Variants in DIRAS2 observed in about 807,000 individuals in gnomAD.
DIRAS2 encodes the protein DIRAS family GTPase 2.
Under a neutral mutation model 13.9 loss-of-function variants are expected in DIRAS2, and 5 were observed. That is an observed-to-expected ratio of 0.36 (90% CI 0.19 to 0.76). DIRAS2 has a LOEUF of 0.76. Ranked by LOEUF, DIRAS2 falls within the 30% of genes least tolerant of loss-of-function variation. DIRAS2 has a pLI of 0.53. For synonymous variants in DIRAS2, 111 were observed against 105.4 expected, an observed-to-expected ratio of 1.05 and a Z score of -0.33; for missense variants, 191 against 263.0, an observed-to-expected ratio of 0.73 and a Z score of 1.89.
rs1587716515 is a variant in DIRAS2, at chr9:90,610,007, C to T, written c.*3221G>A. 6.3e-6 allele frequency: 1 copy of T among 159,688 alleles called. No individual in the cohort carries two copies. Among genetic ancestry groups the T allele is most frequent in the South Asian group, 2.0e-4 (1 of 4,900 alleles). 9.9% of individuals were successfully genotyped at this position (159,688 alleles called of 1,614,324 possible). A position where few individuals can be genotyped will look rare whatever the true frequency, so the allele number is the denominator to read the frequency against. On this transcript the variant is annotated 3_prime_UTR_variant, in exon 2 of 2. Transcript: ENST00000375765. ...TAAATATAAATATACACATTGATAT[C>T]CCACACATATAAAAGTCATGCTCTG...
intron 1 of DIRAS2, among the ~76,000 whole-genome samples, chr9:90,626,927 GTCCC>G (rs1325629066): frequency 6.6e-6 from 1 of 152,180 alleles, no homozygotes; most frequent in Non-Finnish European, 1.5e-5. Context: ...TTGGATATTT[GTCCC>G]TGCCCACATT....
rs1187867077 is a variant in DIRAS2, at chr9:90,611,710, G to C, written c.*1518C>G. ...CATGCAGCCCCCACCCCCCCAGGCA[G>C]GCCCACGTGGGACTGCAGCTCCTTC... On this transcript the variant is annotated 3_prime_UTR_variant, in exon 2 of 2. Transcript: ENST00000375765. The C allele has an allele frequency of 6.6e-6, 1 of 152,328 alleles. No individual in the cohort carries two copies. Among genetic ancestry groups the C allele is most frequent in the Non-Finnish European group, 1.5e-5 (1 of 68,130 alleles). The allele number at this position is 152,328 out of a possible 1,614,324, so 9.4% of individuals were successfully genotyped here.
chr9:90,637,798 C>T (rs1347962680), intron 1 of DIRAS2, among the ~76,000 whole-genome samples: 1 of 152,170 alleles, frequency 6.6e-6, no homozygotes, highest in East Asian at 1.9e-4. Context: ...TCAGCACTGT[C>T]CCCTTCACTG....
intron 1 of DIRAS2, among the ~76,000 whole-genome samples, chr9:90,639,515 C>A (rs1825399737): frequency 6.6e-6 from 1 of 152,126 alleles, no homozygotes. Flanking sequence ...TTGAATGACC[C>A]ATAATGGGAC....
intron 1 of DIRAS2, among the ~76,000 whole-genome samples, chr9:90,622,042 A>T (rs1825223683): frequency 6.6e-6 from 1 of 152,192 alleles, no homozygotes; most frequent in Non-Finnish European, 1.5e-5. Context: ...GCTTGAGGTC[A>T]GGAGTTCGAG....
At chr9:90,621,917 A>C (rs1159672454) in intron 1 of DIRAS2, among the ~76,000 whole-genome samples, 1 of 152,216 alleles carries the variant, frequency 6.6e-6, no homozygotes, top group African/African-American at 2.4e-5. Flanking sequence ...AGTTTGTTCA[A>C]AATATATATG....
At chr9:90,637,846 T>C (rs991825519) in intron 1 of DIRAS2, among the ~76,000 whole-genome samples, 2 of 152,198 alleles carry the variant, frequency 1.3e-5, no homozygotes, top group African/African-American at 4.8e-5. Flanking sequence ...TTGAGTCAGA[T>C]CAGCTGAATC....
At chr9:90,618,380 C>T (rs556252312) in intron 1 of DIRAS2, among the ~76,000 whole-genome samples, 2 of 152,254 alleles carry the variant, frequency 1.3e-5, no homozygotes, top group Admixed American at 1.3e-4. Flanking sequence ...ATAAGGGGAG[C>T]ACCTCTCCCT....
chr9:90,632,992 A>G (rs1285641228), intron 1 of DIRAS2, among the ~76,000 whole-genome samples: 3 of 152,204 alleles, frequency 2.0e-5, no homozygotes, highest in Non-Finnish European at 4.4e-5. Flanking sequence ...GTGAAGCCAG[A>G]CCAAGACCAC....
chr9:90,634,877 A>T (rs1296489458), intron 1 of DIRAS2, among the ~76,000 whole-genome samples: 1 of 152,222 alleles, frequency 6.6e-6, no homozygotes, highest in African/African-American at 2.4e-5. Flanking sequence ...AATAAACCTG[A>T]GACACTGAGA....
chr9:90,623,327 C>T (rs181274368), intron 1 of DIRAS2, among the ~76,000 whole-genome samples: 123 of 152,198 alleles, frequency 8.1e-4, no homozygotes, highest in African/African-American at 2.8e-3. Flanking sequence ...ACAGGCCATC[C>T]CCTGAATGGG....
chr9:90,636,722 C>A (rs1825374699), intron 1 of DIRAS2, among the ~76,000 whole-genome samples: 2 of 152,070 alleles, frequency 1.3e-5, no homozygotes, highest in Admixed American at 6.5e-5. Context: ...GGTACATAGT[C>A]AAAGAGAGAC....
intron 1 of DIRAS2, among the ~76,000 whole-genome samples, chr9:90,628,441 A>T (rs1276372109): frequency 1.3e-5 from 2 of 152,100 alleles, no homozygotes; most frequent in African/African-American, 4.8e-5. Flanking sequence ...GACTGGGGAG[A>T]CTAGGTGGCC....
At chr9:90,625,294 A>G (rs917807584) in intron 1 of DIRAS2, among the ~76,000 whole-genome samples, 1 of 152,232 alleles carries the variant, frequency 6.6e-6, no homozygotes, top group Non-Finnish European at 1.5e-5. Context: ...TTAGCCACCT[A>G]AAAGTTTACA....
At chr9:90,631,322 G>C (rs1387052444) in intron 1 of DIRAS2, among the ~76,000 whole-genome samples, 1 of 152,232 alleles carries the variant, frequency 6.6e-6, no homozygotes, top group Non-Finnish European at 1.5e-5. Flanking sequence ...GGTCAGCAAA[G>C]TAAAGGGGCC....
intron 1 of DIRAS2, among the ~76,000 whole-genome samples, chr9:90,629,158 AT>A (rs753398501): frequency 3.3e-5 from 5 of 152,216 alleles, no homozygotes; most frequent in Admixed American, 2.0e-4. Flanking sequence ...CTGGCCAAAA[AT>A]ATATTACTTA....
chr9:90,620,601 C>CA (rs1216212903), intron 1 of DIRAS2, among the ~76,000 whole-genome samples: 3 of 151,800 alleles, frequency 2.0e-5, no homozygotes, highest in Non-Finnish European at 4.4e-5. Flanking sequence ...AGTAAAAATA[C>CA]AAAAAAATTA....
intron 1 of DIRAS2, among the ~76,000 whole-genome samples, chr9:90,640,558 C>T (rs184578482): frequency 8.9e-4 from 136 of 152,272 alleles, no homozygotes; most frequent in African/African-American, 2.9e-3. Flanking sequence ...CAGCTGTTTT[C>T]CTGGAAAAAT....
At chr9:90,615,421 C>A (rs78983272) in intron 1 of DIRAS2, among the ~76,000 whole-genome samples, 9,699 of 152,202 alleles carry the variant, frequency 0.064, 355 homozygotes, top group Admixed American at 0.077. Flanking sequence ...TTCATTAACA[C>A]CAAAAGATGG....
Sources: allele counts gnomAD v4.1 joint callset (sites outside exome capture counted in the v4.1 genomes callset), GRCh38; gene constraint gnomAD v4.1.1; transcripts MANE v1.5; gene names NCBI Gene and HGNC (gene_info 2026-07-23, HGNC 2026-07-21).